Variants in AFTPH observed in about 807,000 individuals in gnomAD.
AFTPH encodes the protein aftiphilin, also known as aftiphilin protein.
AFTPH carries 7 observed loss-of-function variants against 72.5 expected under a neutral mutation model. The observed-to-expected ratio is 0.10, with a 90% CI of 0.05 to 0.18. The LOEUF (loss-of-function observed/expected upper bound fraction) is 0.18. AFTPH is among the 10% of genes least tolerant of loss of function. AFTPH has a pLI of 1.00. For synonymous variants in AFTPH, 337 were observed against 370.1 expected (o/e 0.91, Z 1.03); for missense variants, 979 against 1,060.5 (o/e 0.92, Z 1.07).
At chr2:64,591,781 C>A in intron 8 of AFTPH, 107 bp from the exon 10 acceptor site, 2 of 1,231,230 alleles carry the variant, frequency 1.6e-6, no homozygotes, top group Non-Finnish European at 2.3e-6. Context: ...AAAAAATACT[C>A]AAGTCCCCAC....
At chr2:64,524,526 C>A (rs1210132011) in exon 1 of AFTPH, 2 of 399,294 alleles carry the variant, frequency 5.0e-6, no homozygotes, top group Non-Finnish European at 8.8e-6. Context: ...ACCAGTTCCG[C>A]GTCGGAATAG....
At chr2:64,579,532 C>A in exon 7 of AFTPH, 1 of 1,613,854 alleles carries the variant, frequency 6.2e-7, no homozygotes, top group African/African-American at 1.3e-5. Context: ...AGTGGCCTTA[C>A]TAACCCTTTA....
chr2:64,580,541 G>C (rs376987046), intron 7 of AFTPH: 95 of 152,632 alleles, frequency 6.2e-4, no homozygotes, highest in South Asian at 1.5e-3. Context: ...CTGTTGTCTG[G>C]TGTCTTCAGT....
exon 8 of AFTPH, chr2:64,585,485 A>G (rs375331895): frequency 3.7e-6 from 6 of 1,613,704 alleles, no homozygotes; most frequent in Non-Finnish European, 5.1e-6. Flanking sequence ...TCAAGCCTCA[A>G]AGTGACTGAT....
chr2:64,552,725 T>C, exon 2 of AFTPH: 2 of 1,614,184 alleles, frequency 1.2e-6, no homozygotes, highest in Non-Finnish European at 1.7e-6. Context: ...ATGGTGATAG[T>C]AGTAATGACT....
rs1197050274 is a variant in AFTPH at position 64,591,865 on chromosome 2, GTCT to G, written c.2580-18_2580-16del. Reference sequence around the variant, plus strand: ...ACAGCAAAGTCACATTAACACACTTGTCTTTTTTTCATTTGTCAGTAGGAAACC... The same window carrying G: ...ACAGCAAAGTCACATTAACACACTTGTTTTTTCATTTGTCAGTAGGAAACC... On this transcript the variant is annotated splice_polypyrimidine_tract_variant and intron_variant, in intron 8 of 8. Coordinates refer to ENST00000238856, the Ensembl canonical transcript of AFTPH. The G allele has an allele frequency of 6.2e-7, 1 of 1,612,814 alleles. No homozygotes were observed. Among genetic ancestry groups the G allele is most frequent in the East Asian group, 2.2e-5 (1 of 44,848 alleles).
At chr2:64,529,048 T>C (rs1030624500) in intron 1 of AFTPH, among the ~76,000 whole-genome samples, 1 of 152,184 alleles carries the variant, frequency 6.6e-6, no homozygotes, top group Non-Finnish European at 1.5e-5. Flanking sequence ...TGAGAAGTGG[T>C]AGGACAGTTT....
chr2:64,569,471 GATAAA>G (rs1672288368), intron 4 of AFTPH, 147 bp from the exon 5 acceptor site: 1 of 925,752 alleles, frequency 1.1e-6, no homozygotes, highest in South Asian at 1.8e-5. Flanking sequence ...TGGACTGGGA[GATAAA>G]ATAACCCATA....
intron 2 of AFTPH, among the ~76,000 whole-genome samples, chr2:64,554,083 T>G (rs1246205784): frequency 1.3e-5 from 2 of 152,252 alleles, no homozygotes; most frequent in African/African-American, 2.4e-5. Context: ...ATAGGTTCAC[T>G]TATTGTAGTT....
intron 1 of AFTPH, among the ~76,000 whole-genome samples, chr2:64,534,596 G>C (rs1056192122): frequency 6.6e-6 from 1 of 152,168 alleles, no homozygotes; most frequent in Non-Finnish European, 1.5e-5. Context: ...AGTGTTACAC[G>C]TAACTAAAAA....
At chr2:64,586,704 A>G (rs946684665) in intron 8 of AFTPH, among the ~76,000 whole-genome samples, 8 of 152,334 alleles carry the variant, frequency 5.3e-5, no homozygotes, top group African/African-American at 1.4e-4. Flanking sequence ...TCATAGCCCC[A>G]TGTCTTTGCA....
chr2:64,577,802 A>G (rs1672915694), intron 6 of AFTPH, among the ~76,000 whole-genome samples: 1 of 152,258 alleles, frequency 6.6e-6, no homozygotes, highest in Admixed American at 6.5e-5. Flanking sequence ...ACTGTAGTAC[A>G]GAGAAGTCCC....
chr2:64,554,450 C>T lies in AFTPH; in HGVS notation c.1935+1041C>T, dbSNP rs3770738. On this transcript the variant is annotated intron_variant, in intron 2 of 8. Transcript: ENST00000238856. Reference sequence around the variant, plus strand: ...TTATTTTAAATATACTGTTAATAAACTCAGAATCTACAAACTTTATTTCTC... The same window carrying T: ...TTATTTTAAATATACTGTTAATAAATTCAGAATCTACAAACTTTATTTCTC... Among the ~76,000 whole-genome samples, 97 of 152,274 alleles carry T rather than the reference C, an allele frequency of 6.4e-4. No individual in the cohort carries two copies. In the East Asian group the frequency reaches 0.016, roughly 25 times the overall value.
At chr2:64,527,803 C>T (rs1669368691) in intron 1 of AFTPH, among the ~76,000 whole-genome samples, 1 of 152,160 alleles carries the variant, frequency 6.6e-6, no homozygotes, top group East Asian at 1.9e-4. Flanking sequence ...CTTCCCTTGC[C>T]TGGACTCTTC....
exon 2 of AFTPH, chr2:64,552,936 T>A (rs1425480831): frequency 3.7e-6 from 6 of 1,614,052 alleles, no homozygotes; most frequent in Non-Finnish European, 4.2e-6. Context: ...AAATGCTGTT[T>A]CTTGCCAAGA....
chr2:64,551,133 T>C (rs1486976539), intron 1 of AFTPH, among the ~76,000 whole-genome samples: 2 of 152,224 alleles, frequency 1.3e-5, no homozygotes, highest in African/African-American at 2.4e-5. Context: ...AGCTGTACTT[T>C]TGTAAGTGTA....
At chr2:64,546,773 G>T (rs1572965135) in intron 1 of AFTPH, among the ~76,000 whole-genome samples, 2 of 151,776 alleles carry the variant, frequency 1.3e-5, no homozygotes, top group Non-Finnish European at 2.9e-5. Context: ...GGTGGCTCAC[G>T]CCTGTGATCC....
At chr2:64,583,328 AAAG>A (rs1673320897) in intron 7 of AFTPH, among the ~76,000 whole-genome samples, 1 of 151,644 alleles carries the variant, frequency 6.6e-6, no homozygotes, top group African/African-American at 2.4e-5. Flanking sequence ...AAAAAAAAAA[AAAG>A]ACCTTCCATT....
chr2:64,526,452 AT>A (rs1164409952), intron 1 of AFTPH, among the ~76,000 whole-genome samples: 1 of 152,188 alleles, frequency 6.6e-6, no homozygotes, highest in African/African-American at 2.4e-5. Context: ...GTATTTAGAT[AT>A]TTTTTAATCA....
Sources: gnomAD v4.1 joint callset for allele counts (sites outside exome capture counted in the v4.1 genomes callset) on GRCh38, gnomAD v4.1.1 for gene constraint, MANE v1.5 for transcripts, NCBI Gene and HGNC (gene_info 2026-07-23, HGNC 2026-07-21) for gene names.